Variants in FAT3 observed in about 807,000 individuals in gnomAD.
The protein encoded by FAT3 is FAT atypical cadherin 3.
A neutral mutation model predicts 310.2 loss-of-function variants in FAT3; 95 were observed. That is an observed-to-expected ratio of 0.31 (90% CI 0.26 to 0.36). The LOEUF is 0.36. Ranked by LOEUF, FAT3 falls within the 10% of genes least tolerant of loss-of-function variation. The pLI is 1.00. For synonymous variants in FAT3, 2,314 were observed against 2,192.9 expected (o/e 1.06, Z -1.54); for missense variants, 5,408 against 5,715.6 (o/e 0.95, Z 1.74).
intron 3 of FAT3, among the ~76,000 whole-genome samples, chr11:92,625,133 G>T (rs1417425491): frequency 1.3e-5 from 2 of 152,196 alleles, no homozygotes; most frequent in Non-Finnish European, 2.9e-5. Context: ...GAGAAAAGGA[G>T]ATTTGATGGA....
intron 4 of FAT3, among the ~76,000 whole-genome samples, chr11:92,707,443 CAGCTGTA>C: frequency 6.6e-6 from 1 of 152,328 alleles, no homozygotes; most frequent in East Asian, 1.9e-4. Flanking sequence ...CTGAGCCAAG[CAGCTGTA>C]ATAGCCTCAA....
At chr11:92,469,595 A>G (rs1473093323) in intron 2 of FAT3, among the ~76,000 whole-genome samples, 1 of 151,906 alleles carries the variant, frequency 6.6e-6, no homozygotes, top group African/African-American at 2.4e-5. Flanking sequence ...GCTCACTGCA[A>G]CCTCAGTCTC....
At chr11:92,667,021 C>T (rs141033519) in intron 3 of FAT3, among the ~76,000 whole-genome samples, 64 of 151,740 alleles carry the variant, frequency 4.2e-4, no homozygotes, top group Middle Eastern at 3.4e-3. Context: ...CAGGAAGAAG[C>T]GGAAACCAGC....
At chr11:92,435,186 G>A (rs752829478) in intron 2 of FAT3, among the ~76,000 whole-genome samples, 7 of 152,104 alleles carry the variant, frequency 4.6e-5, no homozygotes, top group African/African-American at 1.7e-4. Context: ...ACTGGACAGG[G>A]GCTCAGATGT....
At chr11:92,470,305 G>A (rs1173487623) in intron 2 of FAT3, among the ~76,000 whole-genome samples, 3 of 152,208 alleles carry the variant, frequency 2.0e-5, no homozygotes, top group Non-Finnish European at 2.9e-5. Flanking sequence ...GGGTCAAGGT[G>A]TTTTTGAATC....
intron 21 of FAT3, 54 bp from the exon 22 acceptor site, chr11:92,866,687 A>G (rs889255588): frequency 5.3e-6 from 8 of 1,520,418 alleles, no homozygotes; most frequent in Middle Eastern, 1.7e-4. Flanking sequence ...GGGTGTAGGG[A>G]ACATATTCCC....
rs985222015 is a variant in FAT3 at position 92,635,506 on chromosome 11, G to A, written c.3608-61878G>A. Among the ~76,000 whole-genome samples, 17 of 152,174 alleles carry A rather than the reference G, an allele frequency of 1.1e-4. No homozygotes were observed. The East Asian group carries it at 1.7e-3, about 16-fold the overall frequency. On this transcript the variant is annotated intron_variant, in intron 3 of 27. Transcript: ENST00000525166. ...GAATCACTGTCTGATGAGTTCTTACGCATTATGTTTTAATTATATGGAGAA... is the reference window on the plus strand; with the variant it reads ...GAATCACTGTCTGATGAGTTCTTACACATTATGTTTTAATTATATGGAGAA...
Position 92,834,915 on chromosome 11 carries a change from G to A in FAT3, c.9917G>A (p.Arg3306Lys). 1.9e-6 allele frequency: 3 copies of A among 1,612,870 alleles called. No homozygotes were observed. The highest frequency in any genetic ancestry group is 1.7e-5 in the Admixed American group (1 of 59,914). ...SEVLDYELCK[R>K]FYLVVEAKDG... ...GTCCTGGACTATGAATTATGCAAAA[G>A]GTTTTACCTGGTAGTGGAAGCCAAA... is the stretch of plus-strand genomic sequence containing the variant. The change falls in exon 15 of 28, where the codon AGG becomes AAG. Residue 3306 changes from arginine (R) to lysine (K), a missense_variant. This residue lies in a region of FAT3 where 4,588 missense variants were observed against 4,809.8 expected (regional missense o/e 0.95). Coordinates refer to ENST00000525166, the MANE Select transcript of FAT3 (RefSeq NM_001367949.2).
chr11:92,267,745 A>T (rs200873661), intron 1 of FAT3, among the ~76,000 whole-genome samples: 1 of 152,144 alleles, frequency 6.6e-6, no homozygotes, highest in Non-Finnish European at 1.5e-5. Flanking sequence ...TCTCATCGGA[A>T]GTTATTGCTT....
At chr11:92,874,891 G>C (rs1245775238) in intron 22 of FAT3, among the ~76,000 whole-genome samples, 6 of 152,114 alleles carry the variant, frequency 3.9e-5, no homozygotes, top group African/African-American at 1.2e-4. Context: ...CCCAGGAGTT[G>C]AGATGTTAAT....
chr11:92,334,015 A>T (rs762186205), intron 1 of FAT3, among the ~76,000 whole-genome samples: 6 of 152,218 alleles, frequency 3.9e-5, no homozygotes, highest in Non-Finnish European at 8.8e-5. Context: ...GTTAACCAGT[A>T]TTCAAATATT....
In FAT3 at chr11:92,800,887, T is replaced by C; in HGVS notation, c.7874T>C (p.Ile2625Thr). The change falls in exon 10 of 28, where the codon ATA (isoleucine) becomes ACA (threonine). Residue 2625 changes from isoleucine (I) to threonine (T), a missense_variant. Physicochemically the swap from Ile to Thr is moderately conservative, Grantham distance 89. Around this residue, in one of 5 missense-constraint regions of FAT3, gnomAD observed 4,588 missense variants for 4,809.8 expected, o/e 0.95. Transcript: ENST00000525166. ...RGHLVTQVQA[I>T]DPDDGANSRI... ...CACTTGGTCACTCAAGTTCAAGCCATAGATCCCGATGATGGAGCAAATTCA... is the reference window on the plus strand; with the variant it reads ...CACTTGGTCACTCAAGTTCAAGCCACAGATCCCGATGATGGAGCAAATTCA... The C allele has an allele frequency of 1.2e-6, 2 of 1,613,314 alleles. No homozygotes were observed. Among genetic ancestry groups the C allele is most frequent in the Middle Eastern group, 1.7e-4 (1 of 6,060 alleles).
At chr11:92,886,313 T>C (rs892025031) in intron 24 of FAT3, among the ~76,000 whole-genome samples, 1 of 147,248 alleles carries the variant, frequency 6.8e-6, no homozygotes, top group East Asian at 2.0e-4. Flanking sequence ...GTCCATCAAA[T>C]AAGAAAGTAG....
At chr11:92,583,698 A>T (rs1024588247) in intron 3 of FAT3, among the ~76,000 whole-genome samples, 3 of 152,000 alleles carry the variant, frequency 2.0e-5, no homozygotes, top group African/African-American at 7.2e-5. Context: ...CAACCGCAGG[A>T]CACACCCCCA....
At chr11:92,634,923 G>T (rs993640807) in intron 3 of FAT3, among the ~76,000 whole-genome samples, 2 of 152,262 alleles carry the variant, frequency 1.3e-5, no homozygotes, top group East Asian at 1.9e-4. Flanking sequence ...ACCACACAGC[G>T]TTCTCTCTTT....
chr11:92,442,111 A>ATATATATTTTTTTTTTTTTTTT (rs1453396603), intron 2 of FAT3, among the ~76,000 whole-genome samples: 2 of 45,216 alleles, frequency 4.4e-5, no homozygotes, highest in African/African-American at 1.8e-4. Context: ...ATATATATAT[A>ATATATATTTTTTTTTTTTTTTT]TTTTTTTTTT....
intron 4 of FAT3, among the ~76,000 whole-genome samples, chr11:92,725,840 G>A (rs1821310925): frequency 6.6e-6 from 1 of 152,068 alleles, no homozygotes; most frequent in African/African-American, 2.4e-5. Context: ...TGGAATAATT[G>A]CAAAAGCCTT....
At chr11:92,835,881 C>G (rs932980739) in intron 15 of FAT3, among the ~76,000 whole-genome samples, 1 of 152,030 alleles carries the variant, frequency 6.6e-6, no homozygotes, top group African/African-American at 2.4e-5. Context: ...TCTGTTAGAC[C>G]GCAAATTACA....
intron 3 of FAT3, among the ~76,000 whole-genome samples, chr11:92,683,355 G>A (rs1344900495): frequency 6.6e-6 from 1 of 152,144 alleles, no homozygotes; most frequent in African/African-American, 2.4e-5. Context: ...AAATTCTAGG[G>A]TTTCCCCTAA....
Sources: gnomAD v4.1 joint callset for allele counts (sites outside exome capture counted in the v4.1 genomes callset) on GRCh38, gnomAD v4.1.1 for gene constraint, gnomAD v4.1.1 regional missense constraint, MANE v1.5 for transcripts, NCBI Gene and HGNC (gene_info 2026-07-23, HGNC 2026-07-21) for gene names.